LPP: variants seen among roughly 807,000 people sequenced by gnomAD.
LPP encodes the protein lipoma-preferred partner.
In LPP, 38 loss-of-function variants were observed where a neutral mutation model predicts 60.4. The observed-to-expected ratio is 0.63, with a 90% CI of 0.49 to 0.83. The LOEUF is 0.83. Among genes scored for constraint, LPP ranks in the 40% least tolerant of loss-of-function variants. The probability of loss-of-function intolerance (pLI) is 0.00; values close to 1 mark genes in which losing one functional copy is unlikely to be tolerated. For synonymous variants in LPP, 328 were observed against 290.8 expected (o/e 1.13, Z -1.30); for missense variants, 902 against 783.6 (o/e 1.15, Z -1.80).
chr3:188,829,517 C>T (rs1163605426), intron 9 of LPP, among the ~76,000 whole-genome samples: 1 of 152,122 alleles, frequency 6.6e-6, no homozygotes, highest in African/African-American at 2.4e-5. Flanking sequence ...CAGTTGAAGA[C>T]CCAATGTCAT....
intron 2 of LPP, chr3:188,247,145 A>G: frequency 2.0e-6 from 2 of 984,800 alleles, no homozygotes; most frequent in Non-Finnish European, 2.4e-6. Context: ...TCTTTTCGGC[A>G]TGAAGGCAAG....
intron 2 of LPP, among the ~76,000 whole-genome samples, chr3:188,235,618 G>A (rs1023946839): frequency 9.9e-5 from 15 of 152,138 alleles, no homozygotes; most frequent in African/African-American, 3.6e-4. Context: ...TGTAAGTGCT[G>A]ACTTACCTTG....
In LPP at chr3:188,886,764, ACC is replaced by A. The variant is rs1553882131; in HGVS notation, c.*12288_*12289del. The stretch of plus-strand genomic sequence containing the variant: ...CACACACACACACACACACACACAC[ACC>A]CCTTCCAAGAAAGCTGATCCTTCAG... On this transcript the variant is annotated 3_prime_UTR_variant, in exon 12 of 12. Transcript: ENST00000617246. The A allele has an allele frequency of 1.3e-5, 3 of 223,298 alleles. No homozygotes were observed. The highest frequency in any genetic ancestry group is 7.2e-5 in the African/African-American group (3 of 41,810). The allele number at this position is 223,298 out of a possible 1,614,324, so 13.8% of individuals were successfully genotyped here.
chr3:188,464,366 TA>T (rs1799852803), intron 4 of LPP, among the ~76,000 whole-genome samples: 1 of 152,172 alleles, frequency 6.6e-6, no homozygotes, highest in Admixed American at 6.5e-5. Context: ...AAAACATTTG[TA>T]AAAATTAGTC....
chr3:188,786,654 T>C (rs1029170958), intron 9 of LPP, among the ~76,000 whole-genome samples: 2 of 152,158 alleles, frequency 1.3e-5, no homozygotes, highest in Admixed American at 1.3e-4. Flanking sequence ...GCAGCTATAT[T>C]TGTAAGATTC....
At chr3:188,339,776 A>T (rs1031260343) in intron 2 of LPP, among the ~76,000 whole-genome samples, 3 of 152,060 alleles carry the variant, frequency 2.0e-5, no homozygotes, top group African/African-American at 7.2e-5. Context: ...ACTGTATCAC[A>T]CTCTTCACAA....
intron 3 of LPP, among the ~76,000 whole-genome samples, chr3:188,405,768 C>A (rs1298173950): frequency 6.6e-6 from 1 of 152,110 alleles, no homozygotes; most frequent in East Asian, 1.9e-4. Context: ...AGTTAGGAAC[C>A]ATTTCTTATT....
intron 2 of LPP, among the ~76,000 whole-genome samples, chr3:188,229,273 A>G (rs1359624256): frequency 1.3e-5 from 2 of 152,202 alleles, no homozygotes; most frequent in Admixed American, 6.5e-5. Context: ...TTACTTTGTT[A>G]GATTAGATAA....
chr3:188,570,653 A>G (rs1833336058), intron 6 of LPP, among the ~76,000 whole-genome samples: 1 of 152,032 alleles, frequency 6.6e-6, no homozygotes, highest in Non-Finnish European at 1.5e-5. Flanking sequence ...GATTTAATCA[A>G]TCTTAGTATT....
intron 6 of LPP, among the ~76,000 whole-genome samples, chr3:188,576,225 T>C (rs577119774): frequency 1.2e-4 from 19 of 152,296 alleles, no homozygotes; most frequent in African/African-American, 4.3e-4. Flanking sequence ...TCAAACCAAT[T>C]GGTGCATTTC....
chr3:188,860,884 G>T (rs1320820564), intron 9 of LPP, among the ~76,000 whole-genome samples: 1 of 152,136 alleles, frequency 6.6e-6, no homozygotes, highest in African/African-American at 2.4e-5. Context: ...CTTTCTATTT[G>T]AAATACAGTG....
At chr3:188,575,867 C>G (rs1834498296) in intron 6 of LPP, among the ~76,000 whole-genome samples, 1 of 152,034 alleles carries the variant, frequency 6.6e-6, no homozygotes, top group African/African-American at 2.4e-5. Context: ...TTCTATCAAG[C>G]CAAACAAGAA....
chr3:188,633,783 C>T (rs1212320456), intron 7 of LPP, among the ~76,000 whole-genome samples: 1 of 152,214 alleles, frequency 6.6e-6, no homozygotes, highest in East Asian at 1.9e-4. Context: ...ATTCTTCAAG[C>T]TGTTATCACA....
At chr3:188,761,345 G>A (rs1732280087) in intron 9 of LPP, among the ~76,000 whole-genome samples, 1 of 152,186 alleles carries the variant, frequency 6.6e-6, no homozygotes, top group Non-Finnish European at 1.5e-5. Flanking sequence ...CTGTAGCACA[G>A]ATCTGAAAGT....
At chr3:188,264,891 C>T (rs933898908) in intron 2 of LPP, among the ~76,000 whole-genome samples, 3 of 151,914 alleles carry the variant, frequency 2.0e-5, no homozygotes, top group African/African-American at 7.2e-5. Flanking sequence ...CAAAACAAAA[C>T]ACAAAGTAAG....
chr3:188,399,530 G>T (rs1781745864), intron 3 of LPP, among the ~76,000 whole-genome samples: 1 of 152,188 alleles, frequency 6.6e-6, no homozygotes, highest in South Asian at 2.1e-4. Flanking sequence ...GTTAATCTAC[G>T]TCCCTTTTCT....
chr3:188,876,346 A>T lies in LPP; in HGVS notation c.*1867A>T, dbSNP rs55834616. The T allele has an allele frequency of 0.022, 4,221 of 190,886 alleles. 184 individuals carry two copies. Among genetic ancestry groups the T allele is most frequent in the African/African-American group, 0.091 (3,930 of 43,036 alleles). The allele number at this position is 190,886 out of a possible 1,614,324, so 11.8% of individuals were successfully genotyped here. On this transcript the variant is annotated 3_prime_UTR_variant, in exon 12 of 12. Coordinates refer to ENST00000617246, the MANE Select transcript of LPP (RefSeq NM_001375462.1). ...AATGTATGGCTCATTTGCTTTTGTC[A>T]CTAAACGGTTTTGTGTTAGAACCAC... is the stretch of plus-strand genomic sequence containing the variant.
At chr3:188,276,894 C>CTTTTTTTTTTTTTT (rs1203656488) in intron 2 of LPP, among the ~76,000 whole-genome samples, 11 of 38,220 alleles carry the variant, frequency 2.9e-4, no homozygotes, top group South Asian at 1.1e-3. Flanking sequence ...CTTTTCTTTT[C>CTTTTTTTTTTTTTT]TTTTTTTTTT....
At chr3:188,822,701 G>C (rs934817616) in intron 9 of LPP, among the ~76,000 whole-genome samples, 5 of 152,140 alleles carry the variant, frequency 3.3e-5, no homozygotes, top group African/African-American at 9.7e-5. Flanking sequence ...GGCAGAGCTT[G>C]TCATTATGCC....
Sources: allele counts gnomAD v4.1 joint callset (sites outside exome capture counted in the v4.1 genomes callset), GRCh38; gene constraint gnomAD v4.1.1; transcripts MANE v1.5; gene names NCBI Gene and HGNC (gene_info 2026-07-23, HGNC 2026-07-21).